Variants in SMARCA1 observed in about 807,000 individuals in gnomAD.
SMARCA1 encodes the protein SNF2 related chromatin remodeling ATPase 1.
SMARCA1 carries 17 observed loss-of-function variants against 93.6 expected under a neutral mutation model. The ratio of observed to expected loss-of-function variants is 0.18; its 90% CI spans 0.12 to 0.27. The LOEUF is 0.27. Ranked by LOEUF, SMARCA1 falls within the 10% of genes least tolerant of loss-of-function variation. The pLI is 1.00. For synonymous variants in SMARCA1, 271 were observed against 271.4 expected, an observed-to-expected ratio of 1.00 and a Z score of 0.01; for missense variants, 630 against 819.0, an observed-to-expected ratio of 0.77 and a Z score of 2.82.
At chrX:129,522,628 AT>A (rs1935442836) in intron 1 of SMARCA1, among the ~76,000 whole-genome samples, 1 of 111,221 alleles carries the variant, frequency 9.0e-6, no homozygotes, top group African/African-American at 3.3e-5. Context: ...TTTTCCTGCC[AT>A]CCAAAAGACC....
Position 129,496,846 on chromosome X carries a change from C to A in SMARCA1, c.1530G>T (p.Gln510His), listed in dbSNP as rs1934346687. The A allele has an allele frequency of 8.3e-7, 1 of 1,207,885 alleles. No individual in the cohort carries two copies. Among genetic ancestry groups the A allele is most frequent in the African/African-American group, 1.7e-5 (1 of 57,684 alleles). ...CCAAAATATCCAGCAAGCGAGTCAT[C>A]TGGCTGAAAATGAGAACCCTTGAAC... Reference protein sequence around the residue: ...EQGSRVLIFSQMTRLLDILED... With the variant: ...EQGSRVLIFSHMTRLLDILED... Residue 510 changes from glutamine to histidine, a missense_variant, in exon 12 of 25, where the codon CAG (glutamine) becomes CAT (histidine). Gln to His is a conservative substitution (Grantham distance 24). Transcript: ENST00000371121.
intron 17 of SMARCA1, among the ~76,000 whole-genome samples, chrX:129,484,496 T>C (rs901083128): frequency 3.6e-5 from 4 of 111,546 alleles, no homozygotes; most frequent in Non-Finnish European, 5.7e-5. Context: ...CTAGCTACAG[T>C]GCAAAACCAA....
chrX:129,465,740 T>A lies in SMARCA1; in HGVS notation c.2818-8A>T. 1 of 1,144,429 alleles carries A rather than the reference T, an allele frequency of 8.7e-7. No individual in the cohort carries two copies. Among genetic ancestry groups the A allele is most frequent in the Non-Finnish European group, 1.2e-6 (1 of 856,567 alleles). 94.3% of individuals were successfully genotyped at this position (1,144,429 alleles called of 1,213,427 possible). ...AGCCTTGTATCTTGCAATCTGTGTA[T>A]TTAAACAAAATAGTGCTTTTAATTG... On this transcript the variant is annotated splice_region_variant and splice_polypyrimidine_tract_variant and intron_variant, in intron 22 of 24. Transcript: ENST00000371121.
chrX:129,488,079 G>A (rs967158393), intron 16 of SMARCA1, among the ~76,000 whole-genome samples: 5 of 110,429 alleles, frequency 4.5e-5, no homozygotes, highest in South Asian at 3.8e-4. Context: ...TAAGTACTTC[G>A]GGGCTCATTA....
At chrX:129,447,829 T>C (rs1321200153) in intron 24 of SMARCA1, among the ~76,000 whole-genome samples, 1 of 112,062 alleles carries the variant, frequency 8.9e-6, no homozygotes, top group Non-Finnish European at 1.9e-5. Context: ...AAATTACAGC[T>C]GTACAAAGCA....
chrX:129,504,564 AAAAAAAAAAAAAAAAAAC>A (rs1289965759), intron 9 of SMARCA1, among the ~76,000 whole-genome samples, 152 bp downstream of exon 9: 1 of 97,410 alleles, frequency 1.0e-5, no homozygotes, highest in East Asian at 3.2e-4. Context: ...AAAAAAAAAA[AAAAAAAAAAAAAAAAAAC>A]AAAGAGGCTG....
At position 129,486,985 on chromosome X, in the gene SMARCA1, T is replaced by C. The variant is rs769004228; in HGVS notation, c.2217+33A>G. 6 of 1,114,592 alleles carry C rather than the reference T, an allele frequency of 5.4e-6. No individual in the cohort carries two copies. The East Asian group carries it at 1.8e-4, about 34-fold the overall frequency. The allele number at this position is 1,114,592 out of a possible 1,213,427, so 91.9% of individuals were successfully genotyped here. A position where few individuals can be genotyped will look rare whatever the true frequency, so the allele number is the denominator to read the frequency against. On this transcript the variant is annotated intron_variant, in intron 17 of 24. Transcript: ENST00000371121. The stretch of plus-strand genomic sequence containing the variant: ...AATTGTTATGGGGAGAAATGCTCAT[T>C]TGAGGGTCTAATGGTTGAGAGTAAA...
At chrX:129,499,916 A>C in intron 9 of SMARCA1, 75 bp from the exon 10 acceptor site, 1 of 506,418 alleles carries the variant, frequency 2.0e-6, no homozygotes, top group Non-Finnish European at 3.2e-6. Flanking sequence ...TAACAACATT[A>C]ATGTGAAATT....
intron 5 of SMARCA1, among the ~76,000 whole-genome samples, chrX:129,513,893 G>A (rs1029203227): frequency 3.6e-5 from 4 of 112,428 alleles, no homozygotes; most frequent in South Asian, 3.6e-4. Context: ...CATAGGGCAC[G>A]TATCATCATG....
chrX:129,448,574 C>T (rs191282639), intron 23 of SMARCA1, 131 bp from the exon 24 acceptor site: 4 of 560,240 alleles, frequency 7.1e-6, no homozygotes. Context: ...ACAATATTCA[C>T]ACAGGGTATT....
Position 129,494,480 on chromosome X carries a change from A to T in SMARCA1, c.1627-1405T>A, listed in dbSNP as rs572727307. ...GGTAGCAGTAAGACCTTTAATATGA[A>T]AAGGGTCTGTGTGCTTGCTGTGAAC... On this transcript the variant is annotated intron_variant, in intron 12 of 24. Coordinates refer to ENST00000371121, the MANE Select transcript of SMARCA1 (RefSeq NM_001282874.2). 8.9e-5 allele frequency among the ~76,000 whole-genome samples: 10 copies of T among 111,772 alleles called. No individual in the cohort carries two copies. In the South Asian group the frequency reaches 3.8e-3, roughly 42 times the overall value.
rs148178535 is a variant in SMARCA1 at position 129,508,007 on chromosome X, G to A, written c.900C>T (p.Phe300=). Residue 300 remains phenylalanine, a synonymous_variant, in exon 7 of 25, where the codon TTC becomes TTT. Coordinates refer to ENST00000371121, the MANE Select transcript of SMARCA1 (RefSeq NM_001282874.2). ...CCAGGTATCGCCAGTGAAACTTTTT[G>A]AATACAGATTTTTCTTTAATTACCA... ...YEMVIKEKSV[F]KKFHWRYLVI... is the part of the protein sequence containing the mutation. 95 of 1,179,890 alleles carry A rather than the reference G, an allele frequency of 8.1e-5. No homozygotes were observed. In the African/African-American group the frequency reaches 1.1e-3, roughly 14 times the overall value.
At chrX:129,475,290 G>A (rs1933327643) in intron 19 of SMARCA1, among the ~76,000 whole-genome samples, 7 of 110,180 alleles carry the variant, frequency 6.4e-5, no homozygotes, top group Admixed American at 4.9e-4. Flanking sequence ...AGGTCAAGGC[G>A]GGTGGATCAC....
At chrX:129,463,537 C>CT (rs1265594607) in intron 23 of SMARCA1, among the ~76,000 whole-genome samples, 96 of 112,511 alleles carry the variant, frequency 8.5e-4, no homozygotes, top group African/African-American at 2.8e-3. Context: ...CAGATTACCT[C>CT]TTTATCTTTT....
rs1200970940 is a variant in SMARCA1 at position 129,480,714 on chromosome X, G to A, written c.2429C>T (p.Thr810Ile). 5.6e-6 allele frequency: 6 copies of A among 1,075,967 alleles called. No homozygotes were observed. The highest frequency in any genetic ancestry group is 7.4e-6 in the Non-Finnish European group (6 of 812,815). 88.7% of individuals were successfully genotyped at this position (1,075,967 alleles called of 1,213,427 possible). The change falls in exon 19 of 25, where the codon ACA becomes ATA. Residue 810 changes from threonine to isoleucine, a missense_variant. Coordinates refer to ENST00000371121, the MANE Select transcript of SMARCA1 (RefSeq NM_001282874.2). ...LEKEILYYRK[T>I]IGYKVPRNPD... ...TGGAAAAAATACCTTATAGCCTATT[G>A]TCTTCCGATAATAAAGAATTTCCTT...
chrX:129,456,286 C>CA (rs1043193064), intron 23 of SMARCA1, among the ~76,000 whole-genome samples: 2 of 111,313 alleles, frequency 1.8e-5, no homozygotes, highest in African/African-American at 3.3e-5. Flanking sequence ...CCCTACTCCT[C>CA]AAAAAAAGAT....
intron 9 of SMARCA1, among the ~76,000 whole-genome samples, chrX:129,502,264 A>G (rs1295055092): frequency 9.0e-6 from 1 of 111,667 alleles, no homozygotes; most frequent in Non-Finnish European, 1.9e-5. Flanking sequence ...ATGGGAGTGG[A>G]TCCCCAGGGA....
intron 8 of SMARCA1, 56 bp from the exon 9 acceptor site, chrX:129,504,858 T>C: frequency 1.4e-6 from 1 of 726,969 alleles, no homozygotes; most frequent in Non-Finnish European, 2.1e-6. Flanking sequence ...ATATACCCGA[T>C]ATTCTGTAGA....
intron 17 of SMARCA1, among the ~76,000 whole-genome samples, chrX:129,485,410 A>C (rs773460687): frequency 1.3e-4 from 15 of 112,421 alleles, no homozygotes; most frequent in Non-Finnish European, 2.8e-4. Flanking sequence ...TATCTTAGAA[A>C]TAAATATCTT....
Sources: gnomAD v4.1 joint callset for allele counts (sites outside exome capture counted in the v4.1 genomes callset) on GRCh38, gnomAD v4.1.1 for gene constraint, MANE v1.5 for transcripts, NCBI Gene and HGNC (gene_info 2026-07-23, HGNC 2026-07-21) for gene names.